Variants in SUSD2 observed in about 807,000 individuals in gnomAD.
SUSD2 encodes the protein sushi domain containing 2, also known as sushi domain-containing protein 2.
In SUSD2, 86 loss-of-function variants were observed where a neutral mutation model predicts 93.8. The observed-to-expected ratio is 0.92, with a 90% CI of 0.77 to 1.10. The LOEUF (loss-of-function observed/expected upper bound fraction) is 1.10, where lower values mean the gene tolerates loss of function less well. SUSD2 is among the 50% of genes least tolerant of loss of function. The pLI, the probability that SUSD2 is intolerant of heterozygous loss-of-function variation, is 0.00. For missense variants in SUSD2, 1,060 were observed against 1,137.0 expected, an observed-to-expected ratio of 0.93 and a Z score of 0.97; for synonymous variants, 483 against 485.0, an observed-to-expected ratio of 1.00 and a Z score of 0.05.
At position 24,185,899 on chromosome 22, in the gene SUSD2, G is replaced by T; in HGVS notation, c.1309G>T (p.Asp437Tyr). The T allele has an allele frequency of 6.3e-7, 1 of 1,578,106 alleles. No individual in the cohort carries two copies. The highest frequency in any genetic ancestry group is 8.6e-7 in the Non-Finnish European group (1 of 1,159,266). Residue 437 changes from aspartate (D) to tyrosine (Y), a missense_variant, in exon 8 of 15, where the codon GAC becomes TAC. Coordinates refer to ENST00000358321, the MANE Select transcript of SUSD2 (RefSeq NM_019601.4). ...PRYMQRRPSN[D>Y]CRNYRPPRLA... ...CTACATGCAACGGCGGCCCTCCAATGACTGCCGCAACTACCGGCCCCCAAG... is the reference window on the plus strand; with the variant it reads ...CTACATGCAACGGCGGCCCTCCAATTACTGCCGCAACTACCGGCCCCCAAG...
rs187600934 is a variant in SUSD2 at position 24,181,747 on chromosome 22, T to G, written c.76+152T>G. 939 of 630,072 alleles carry G rather than the reference T, an allele frequency of 1.5e-3. 9 individuals are homozygous for G. The African/African-American group carries it at 0.016, about 11-fold the overall frequency. The allele number at this position is 630,072 out of a possible 1,614,324, so 39.0% of individuals were successfully genotyped here. A position where few individuals can be genotyped will look rare whatever the true frequency, so the allele number is the denominator to read the frequency against. ...GATGGGAAGAAATTCTGAGGGTCCA[T>G]GTGGAGGGGCAGCCCATGGGGATGG... On this transcript the variant is annotated intron_variant, in intron 1 of 14. Transcript: ENST00000358321.
chr22:24,187,841 C>T lies in SUSD2; in HGVS notation c.2162C>T (p.Pro721Leu), dbSNP rs541458149. 146 of 1,609,022 alleles carry T rather than the reference C, an allele frequency of 9.1e-5. No individual in the cohort carries two copies. The South Asian group carries it at 1.4e-3, about 16-fold the overall frequency. The stretch of plus-strand genomic sequence containing the variant: ...CAGCGTCGCATGCAGAGCCTGCAGC[C>T]AGGTGAGGGCGGGCAGGTGGGGGTG... ...LHQRRMQSLQ[P>L]VVSCGWLAPP... is the part of the protein sequence containing the mutation. The change falls in exon 12 of 15, where the codon CCA (proline) becomes CTA (leucine). Residue 721 changes from proline (P) to leucine (L), a missense_variant and splice_region_variant. Pro to Leu is a moderately conservative substitution (Grantham distance 98). This residue lies in a region of SUSD2 where 973 missense variants were observed against 1,005.3 expected (regional missense o/e 0.97). Coordinates refer to ENST00000358321, the MANE Select transcript of SUSD2 (RefSeq NM_019601.4).
rs1394320731 is a variant in SUSD2 at position 24,187,291 on chromosome 22, C to T, written c.1732C>T (p.Leu578=). ...GLEVSVQGPF[L]SVSVLLPEKF... is the part of the protein sequence containing the mutation. ...GGAGGTCAGCGTGCAGGGCCCGTTC[C>T]TGAGTGTGTCCGTCCTGCTGCCTGA... Residue 578 remains leucine (L), a synonymous_variant, in exon 11 of 15, where the codon CTG becomes TTG. Coordinates refer to ENST00000358321, the MANE Select transcript of SUSD2 (RefSeq NM_019601.4). The T allele has an allele frequency of 6.2e-7, 1 of 1,614,118 alleles. No homozygotes were observed. Among genetic ancestry groups the T allele is most frequent in the Admixed American group, 1.7e-5 (1 of 60,020 alleles).
chr22:24,188,772 C>G lies in SUSD2; in HGVS notation c.*336C>G. Reference sequence around the variant, plus strand: ...ATTCCAATAGCTCACTCCCTAGAGCCTGACGCCGGGGCCCCTGACCCCTGA... The same window carrying G: ...ATTCCAATAGCTCACTCCCTAGAGCGTGACGCCGGGGCCCCTGACCCCTGA... On this transcript the variant is annotated 3_prime_UTR_variant, in exon 15 of 15. Transcript: ENST00000358321. This position sits in a 1 kb window ranked among gnomAD's most constrained non-coding sequence, Gnocchi z 4.7. 1 of 273,702 alleles carries G rather than the reference C, an allele frequency of 3.7e-6. No homozygotes were observed. Among genetic ancestry groups the G allele is most frequent in the Non-Finnish European group, 7.0e-6 (1 of 142,428 alleles). 17.0% of individuals were successfully genotyped at this position (273,702 alleles called of 1,614,324 possible).
intron 10 of SUSD2, chr22:24,186,906 G>A: frequency 1.9e-6 from 1 of 520,362 alleles, no homozygotes; most frequent in South Asian, 2.2e-5. Context: ...GGACCCTCGG[G>A]ACGTGCCCAG....
At chr22:24,182,995 C>T (rs2047333975) in intron 1 of SUSD2, 62 bp from the exon 2 acceptor site, 3 of 1,448,026 alleles carry the variant, frequency 2.1e-6, no homozygotes, top group African/African-American at 1.4e-5. Flanking sequence ...GAGACAGGCC[C>T]TGCACATGGG....
In SUSD2 at chr22:24,186,008, C is replaced by A; in HGVS notation, c.1340-8C>A. On this transcript the variant is annotated splice_polypyrimidine_tract_variant and splice_region_variant and intron_variant, in intron 8 of 14. Coordinates refer to ENST00000358321, the MANE Select transcript of SUSD2 (RefSeq NM_019601.4). ...GCACCCCCACGTGACCCTCCACTCT[C>A]ACCCTAGCCTCCGCCTTCGGAGACC... 6.2e-7 allele frequency: 1 copy of A among 1,602,876 alleles called. No homozygotes were observed. The highest frequency in any genetic ancestry group is 8.5e-7 in the Non-Finnish European group (1 of 1,173,586).
In SUSD2 at chr22:24,185,862, C is replaced by G; in HGVS notation, c.1272C>G (p.Pro424=). 5.0e-6 allele frequency: 8 copies of G among 1,597,004 alleles called. No homozygotes were observed. The highest frequency in any genetic ancestry group is 1.3e-5 in the African/African-American group (1 of 74,570). ...LSFYYCCLWA[P]DCPRYMQRRP... is the part of the protein sequence containing the mutation. ...TCTATTACTGCTGCCTCTGGGCACC[C>G]GACTGCCCCCGCTACATGCAACGGC... The change falls in exon 8 of 15, where the codon CCC becomes CCG. Residue 424 remains proline (P), a synonymous_variant. Transcript: ENST00000358321.
Position 24,185,484 on chromosome 22 carries a change from A to T in SUSD2, c.985-2A>T. The T allele has an allele frequency of 6.4e-7, 1 of 1,560,276 alleles. No individual in the cohort carries two copies. The highest frequency in any genetic ancestry group is 8.7e-7 in the Non-Finnish European group (1 of 1,151,892). ...GGGTGACAGCCACCTGCTGCTCTGCAGACGGACTACGGCTGTGACATGGAG... is the reference window on the plus strand; with the variant it reads ...GGGTGACAGCCACCTGCTGCTCTGCTGACGGACTACGGCTGTGACATGGAG... On this transcript the variant is annotated splice_acceptor_variant, in intron 6 of 14. Coordinates refer to ENST00000358321, the MANE Select transcript of SUSD2 (RefSeq NM_019601.4). LOFTEE classifies it high-confidence loss of function.
chr22:24,183,706 A>G (rs1287664661), intron 3 of SUSD2, 60 bp downstream of exon 3: 3 of 1,532,036 alleles, frequency 2.0e-6, no homozygotes, highest in African/African-American at 2.7e-5. Context: ...GCGCTAATCT[A>G]TGCACACCGA....
chr22:24,187,594 CT>C lies in SUSD2; in HGVS notation c.1916del (p.Leu639ArgfsTer61). 6.2e-7 allele frequency: 1 copy of C among 1,613,550 alleles called. No individual in the cohort carries two copies. The highest frequency in any genetic ancestry group is 8.5e-7 in the Non-Finnish European group (1 of 1,179,614). On this transcript the variant is annotated frameshift_variant, in exon 12 of 15. Transcript: ENST00000358321. LOFTEE classifies it high-confidence loss of function. The part of the protein sequence containing the change: ...ANWTVHNASS[L>X]LTYDSWFLVH... The stretch of plus-strand genomic sequence containing the variant: ...AGGGACCGTGCACAATGCGTCCTCC[CT>C]GCTCACCTACGATTCCTGGTTCCTG...
rs1297262011 is a variant in SUSD2, at chr22:24,188,378, A to G, written c.2445-34A>G. 6.2e-7 allele frequency: 1 copy of G among 1,610,548 alleles called. No homozygotes were observed. Among genetic ancestry groups the G allele is most frequent in the African/African-American group, 1.3e-5 (1 of 74,596 alleles). On this transcript the variant is annotated intron_variant, in intron 14 of 14. Transcript: ENST00000358321. The surrounding 1 kb of genome is among the most constrained non-coding windows in gnomAD (Gnocchi z 4.7). Reference sequence around the variant, plus strand: ...AGACCCCGAGACAGCCGGTGGGACCACCGAGGCTACTTCTAACTGCGTTTC... The same window carrying G: ...AGACCCCGAGACAGCCGGTGGGACCGCCGAGGCTACTTCTAACTGCGTTTC...
At position 24,185,543 on chromosome 22, in the gene SUSD2, G is replaced by T. The variant is rs142506542; in HGVS notation, c.1042G>T (p.Val348Leu). 5.7e-6 allele frequency: 9 copies of T among 1,586,030 alleles called. No homozygotes were observed. Among genetic ancestry groups the T allele is most frequent in the Non-Finnish European group, 7.7e-6 (9 of 1,166,302 alleles). ...CGTGTGCACCTACCACCCCGGGGCC[G>T]TGCACTGTGTGCGTTCTGTGCAGGC... is the stretch of plus-strand genomic sequence containing the variant. ...GSVCTYHPGAVHCVRSVQASL... is the reference protein window; with the variant it reads ...GSVCTYHPGALHCVRSVQASL... Residue 348 changes from valine (V) to leucine (L), a missense_variant, in exon 7 of 15, where the codon GTG becomes TTG. Physicochemically the swap from Val to Leu is conservative, Grantham distance 32. Coordinates refer to ENST00000358321, the MANE Select transcript of SUSD2 (RefSeq NM_019601.4).
In SUSD2 at chr22:24,185,943, C is replaced by T. The variant is rs761893537; in HGVS notation, c.1339+14C>T. ...CCCCAAGACTGGGTGGGTGCCATCC[C>T]GTGCCCCAGACCCTGGGAAAGATCG... is the stretch of plus-strand genomic sequence containing the variant. On this transcript the variant is annotated intron_variant, in intron 8 of 14. Coordinates refer to ENST00000358321, the MANE Select transcript of SUSD2 (RefSeq NM_019601.4). 7.6e-6 allele frequency: 12 copies of T among 1,568,652 alleles called. No individual in the cohort carries two copies. The highest frequency in any genetic ancestry group is 3.5e-5 in the South Asian group (3 of 84,726).
chr22:24,184,705 G>A (rs994312849), intron 4 of SUSD2, 61 bp from the exon 5 acceptor site: 1 of 1,388,522 alleles, frequency 7.2e-7, no homozygotes. Flanking sequence ...GCTGTAGGTG[G>A]CAAGGCCTGG....
In SUSD2 at chr22:24,189,070, G is replaced by A. The variant is rs2047389215; in HGVS notation, c.*634G>A. ...AAGGTCACTCAGGAACACCCTCCCT[G>A]CCTGTGCAAAGAGAAAACAAGCGCC... On this transcript the variant is annotated 3_prime_UTR_variant, in exon 15 of 15. Coordinates refer to ENST00000358321, the MANE Select transcript of SUSD2 (RefSeq NM_019601.4). 6.6e-6 allele frequency: 1 copy of A among 152,282 alleles called. No homozygotes were observed. Among genetic ancestry groups the A allele is most frequent in the Admixed American group, 6.5e-5 (1 of 15,282 alleles). The allele number at this position is 152,282 out of a possible 1,614,324, so 9.4% of individuals were successfully genotyped here.
In SUSD2 at chr22:24,184,823, C is replaced by T. The variant is rs1340616121; in HGVS notation, c.665C>T (p.Thr222Ile). 1 of 1,613,718 alleles carries T rather than the reference C, an allele frequency of 6.2e-7. No individual in the cohort carries two copies. Among genetic ancestry groups the T allele is most frequent in the Non-Finnish European group, 8.5e-7 (1 of 1,179,888 alleles). Residue 222 changes from threonine to isoleucine, a missense_variant, in exon 5 of 15, where the codon ACA becomes ATA. Thr to Ile is a moderately conservative substitution (Grantham distance 89). This residue lies in a region of SUSD2 where 973 missense variants were observed against 1,005.3 expected (regional missense o/e 0.97). Transcript: ENST00000358321. ...AKWSYLYPLA[T>I]HIPNSGSFTF... ...TGGTCGTACCTGTACCCCCTGGCCACACACATCCCCAACTCCGGCTCTTTC... is the reference window on the plus strand; with the variant it reads ...TGGTCGTACCTGTACCCCCTGGCCATACACATCCCCAACTCCGGCTCTTTC...
intron 2 of SUSD2, 114 bp downstream of exon 2, chr22:24,183,381 G>A: frequency 6.5e-7 from 1 of 1,526,762 alleles, no homozygotes; most frequent in Non-Finnish European, 8.9e-7. Flanking sequence ...AGGACAGGCA[G>A]GAGGGCACAG....
intron 11 of SUSD2, 24 bp downstream of exon 11, chr22:24,187,474 G>A (rs1387738260): frequency 1.2e-6 from 2 of 1,609,720 alleles, no homozygotes; most frequent in South Asian, 1.1e-5. Flanking sequence ...GAGTATATGG[G>A]GCAGACGGGG....
Sources: gnomAD v4.1 joint callset for allele counts on GRCh38, gnomAD v4.1.1 for gene constraint, gnomAD v4.1.1 regional missense constraint, Gnocchi (gnomAD v3.1) non-coding constraint, MANE v1.5 for transcripts, NCBI Gene and HGNC (gene_info 2026-07-23, HGNC 2026-07-21) for gene names.